The following KCNN3 variants were observed in gnomAD, a reference collection of about 807,000 sequenced individuals.
KCNN3 encodes potassium calcium-activated channel subfamily N member 3, also known as small conductance calcium-activated potassium channel protein 3.
Under a neutral mutation model 62.9 loss-of-function variants are expected in KCNN3, and 16 were observed. That is an observed-to-expected ratio of 0.25 (90% confidence interval 0.17 to 0.39). The LOEUF (loss-of-function observed/expected upper bound fraction) is 0.39. KCNN3 is among the 10% of genes least tolerant of loss of function. The pLI, the probability that KCNN3 is intolerant of heterozygous loss-of-function variation, is 1.00. For missense variants in KCNN3, 599 were observed against 949.4 expected (o/e 0.63, Z 4.85); for synonymous variants, 370 against 389.2 (o/e 0.95, Z 0.58).
At chr1:154,832,588 T>A (rs1436097638) in intron 1 of KCNN3, among the ~76,000 whole-genome samples, 1 of 152,190 alleles carries the variant, frequency 6.6e-6, no homozygotes, top group Non-Finnish European at 1.5e-5. Flanking sequence ...TTCATCCAGA[T>A]TGCAGGAACC....
At chr1:154,764,947 G>C (rs1506983) in intron 3 of KCNN3, among the ~76,000 whole-genome samples, 95,753 of 152,020 alleles carry the variant, frequency 0.63, 30,689 homozygotes, top group Middle Eastern at 0.73. Context: ...GACTTTTGTT[G>C]CCCTTTGGTT....
At chr1:154,781,833 C>A (rs1649065879) in intron 2 of KCNN3, among the ~76,000 whole-genome samples, 1 of 152,194 alleles carries the variant, frequency 6.6e-6, no homozygotes, top group Non-Finnish European at 1.5e-5. Context: ...CCTGTCCCCA[C>A]AGAGCTTACA....
At chr1:154,714,289 GTGTGTATGGTGTGTGTGTGGTTTGTGTGA>G (rs1700163884) in intron 6 of KCNN3, among the ~76,000 whole-genome samples, 1 of 49,012 alleles carries the variant, frequency 2.0e-5, no homozygotes, top group African/African-American at 7.3e-5. Flanking sequence ...GTGGTGTGTG[GTGTGTATGGTGTGTGTGTGGTTTGTGTGA>G]GGTGTGTGTG....
chr1:154,850,440 ACAC>A (rs1398903950), intron 1 of KCNN3, among the ~76,000 whole-genome samples: 1 of 152,180 alleles, frequency 6.6e-6, no homozygotes, highest in Non-Finnish European at 1.5e-5. Context: ...CCAGCATCAG[ACAC>A]CAGCTGGGCT....
At chr1:154,774,021 G>A (rs1247051883) in intron 2 of KCNN3, among the ~76,000 whole-genome samples, 2 of 152,176 alleles carry the variant, frequency 1.3e-5, no homozygotes, top group African/African-American at 4.8e-5. Context: ...ATGATCCTGG[G>A]CAAATTACCG....
chr1:154,739,949 G>A (rs909687393), intron 3 of KCNN3, among the ~76,000 whole-genome samples: 2 of 152,246 alleles, frequency 1.3e-5, no homozygotes, highest in East Asian at 3.8e-4. Flanking sequence ...TTGAGGCAGA[G>A]GTACCCATTT....
chr1:154,719,192 C>T (rs569514406), intron 5 of KCNN3, among the ~76,000 whole-genome samples: 1 of 152,226 alleles, frequency 6.6e-6, no homozygotes, highest in South Asian at 2.1e-4. Flanking sequence ...TTAGCAGAGC[C>T]CCCCAGAGAA....
At chr1:154,727,696 C>G in intron 4 of KCNN3, among the ~76,000 whole-genome samples, 1 of 152,198 alleles carries the variant, frequency 6.6e-6, no homozygotes, top group East Asian at 1.9e-4. Flanking sequence ...CTGTGACTTA[C>G]AGGAGACTCT....
intron 1 of KCNN3, among the ~76,000 whole-genome samples, chr1:154,846,452 G>A (rs530763754): frequency 2.5e-4 from 38 of 152,306 alleles, no homozygotes; most frequent in South Asian, 6.2e-4. Context: ...AGCCAGGAGC[G>A]TCTGCCCCCC....
At chr1:154,764,372 T>G (rs1305726761) in intron 3 of KCNN3, among the ~76,000 whole-genome samples, 1 of 152,198 alleles carries the variant, frequency 6.6e-6, no homozygotes, top group Admixed American at 6.5e-5. Context: ...TCAAGTCTGC[T>G]GGCTCTGTGG....
intron 1 of KCNN3, among the ~76,000 whole-genome samples, chr1:154,835,177 C>T (rs1358303050): frequency 3.3e-5 from 5 of 152,178 alleles, no homozygotes; most frequent in African/African-American, 9.7e-5. Context: ...CTCTCCCAGT[C>T]GAGGGTTCCC....
Position 154,755,855 on chromosome 1 carries a change from GGAA to G in KCNN3, c.1448+16117_1448+16119del, listed in dbSNP as rs1268331640. 2.8e-4 allele frequency among the ~76,000 whole-genome samples: 39 copies of G among 139,262 alleles called. 1 individual carries two copies. The highest frequency in any genetic ancestry group is 4.2e-4 in the Non-Finnish European group (27 of 64,110). The allele number at this position is 139,262 out of a possible 152,430, so 91.4% of individuals were successfully genotyped here. A position where few individuals can be genotyped will look rare whatever the true frequency, so the allele number is the denominator to read the frequency against. Reference sequence around the variant, plus strand: ...AGGAGGAGGGGGAAAGAAGGAAGAAGGAAGAAGAAGGAAGAGGAAGATGAGGAG... The same window carrying G: ...AGGAGGAGGGGGAAAGAAGGAAGAAGGAAGAAGGAAGAGGAAGATGAGGAG... On this transcript the variant is annotated intron_variant, in intron 3 of 7. Coordinates refer to ENST00000271915, the MANE Select transcript of KCNN3 (RefSeq NM_002249.6).
chr1:154,833,818 T>G (rs1358556357), intron 1 of KCNN3, among the ~76,000 whole-genome samples: 1 of 152,212 alleles, frequency 6.6e-6, no homozygotes, highest in Non-Finnish European at 1.5e-5. Flanking sequence ...ATTTCCTCCA[T>G]GCCTCATTCA....
chr1:154,849,862 T>G (rs1389926604), intron 1 of KCNN3, among the ~76,000 whole-genome samples: 1 of 152,134 alleles, frequency 6.6e-6, no homozygotes, highest in African/African-American at 2.4e-5. Context: ...CCTCTCCACA[T>G]TAAAGGACTA....
chr1:154,828,034 G>T (rs1651210357), intron 1 of KCNN3, among the ~76,000 whole-genome samples: 2 of 152,144 alleles, frequency 1.3e-5, no homozygotes, highest in African/African-American at 4.8e-5. Context: ...TGGGAAGGGA[G>T]ACTCTGGGGA....
chr1:154,826,085 AC>A (rs1402168218), intron 1 of KCNN3, among the ~76,000 whole-genome samples: 2,668 of 149,672 alleles, frequency 0.018, 222 homozygotes, highest in African/African-American at 0.063. Flanking sequence ...AAAAACAAAA[AC>A]AAAAAAAACC....
chr1:154,719,421 G>A (rs980476684), intron 5 of KCNN3, among the ~76,000 whole-genome samples: 5 of 152,090 alleles, frequency 3.3e-5, no homozygotes, highest in South Asian at 2.1e-4. Flanking sequence ...ATAGCCTATC[G>A]CTCCTAGGCT....
intron 3 of KCNN3, among the ~76,000 whole-genome samples, chr1:154,748,166 A>C (rs1700980516): frequency 1.3e-5 from 2 of 151,354 alleles, no homozygotes; most frequent in South Asian, 4.2e-4. Flanking sequence ...GTCTCATCTC[A>C]CTCCCTGCTG....
intron 5 of KCNN3, among the ~76,000 whole-genome samples, chr1:154,719,627 T>C (rs956001190): frequency 1.3e-5 from 2 of 152,128 alleles, no homozygotes; most frequent in African/African-American, 4.8e-5. Context: ...TGAGTGATGA[T>C]CAGATCACTA....
Sources: gnomAD v4.1 joint callset for allele counts (sites outside exome capture counted in the v4.1 genomes callset) on GRCh38, gnomAD v4.1.1 for gene constraint, MANE v1.5 for transcripts, NCBI Gene and HGNC (gene_info 2026-07-23, HGNC 2026-07-21) for gene names.